Variants in PLD5 observed in about 807,000 individuals in gnomAD.
PLD5 encodes inactive phospholipase D5.
In PLD5, 36 loss-of-function variants were observed where a neutral mutation model predicts 61.1. That is an observed-to-expected ratio of 0.59 (90% CI 0.45 to 0.78). The LOEUF (loss-of-function observed/expected upper bound fraction) is 0.78. Ranked by LOEUF, PLD5 falls within the 30% of genes least tolerant of loss-of-function variation. The pLI is 0.00. For missense variants in PLD5, 515 were observed against 644.4 expected (o/e 0.80, Z 2.17); for synonymous variants, 243 against 242.8 (o/e 1.00, Z -0.01).
intron 3 of PLD5, among the ~76,000 whole-genome samples, chr1:242,271,427 A>T (rs1674076212): frequency 6.6e-6 from 1 of 152,216 alleles, no homozygotes; most frequent in Non-Finnish European, 1.5e-5. Flanking sequence ...GGCAAATTTG[A>T]AAAAAACTTA....
intron 5 of PLD5, among the ~76,000 whole-genome samples, chr1:242,167,075 A>G (rs1397046854): frequency 5.7e-5 from 3 of 52,414 alleles, no homozygotes; most frequent in Non-Finnish European, 1.2e-4. Context: ...GACAATAATA[A>G]TAGTAATAAT....
intron 1 of PLD5, among the ~76,000 whole-genome samples, chr1:242,372,144 C>T (rs1344102079): frequency 6.6e-6 from 1 of 152,174 alleles, no homozygotes; most frequent in South Asian, 2.1e-4. Flanking sequence ...CCTGCAGCTC[C>T]TGTATATTCC....
intron 1 of PLD5, among the ~76,000 whole-genome samples, chr1:242,392,380 A>G (rs1280256033): frequency 6.6e-6 from 1 of 152,174 alleles, no homozygotes; most frequent in Non-Finnish European, 1.5e-5. Flanking sequence ...CTGGTCACCA[A>G]CCTGCACATG....
chr1:242,300,053 C>T (rs976889736), intron 2 of PLD5, among the ~76,000 whole-genome samples: 130 of 152,202 alleles, frequency 8.5e-4, no homozygotes, highest in African/African-American at 3.1e-3. Flanking sequence ...CTTTAGAATG[C>T]CAGCCAGGAA....
chr1:242,250,926 T>C (rs1016851120), intron 4 of PLD5, among the ~76,000 whole-genome samples: 26 of 152,094 alleles, frequency 1.7e-4, no homozygotes, highest in African/African-American at 4.8e-4. Flanking sequence ...ACTGCACATG[T>C]AGAAGTGCAG....
chr1:242,167,109 TAA>T (rs1179732432), intron 5 of PLD5, among the ~76,000 whole-genome samples: 2 of 141,168 alleles, frequency 1.4e-5, no homozygotes, highest in African/African-American at 5.6e-5. Context: ...ATAATAATAA[TAA>T]TAATAAATAG....
At chr1:242,139,825 T>G (rs1664025394) in intron 5 of PLD5, among the ~76,000 whole-genome samples, 1 of 152,158 alleles carries the variant, frequency 6.6e-6, no homozygotes, top group African/African-American at 2.4e-5. Context: ...ATTGGGTGTC[T>G]CAGGTAGTCC....
intron 1 of PLD5, among the ~76,000 whole-genome samples, chr1:242,456,038 T>C (rs1485975574): frequency 6.6e-6 from 1 of 152,240 alleles, no homozygotes; most frequent in Admixed American, 6.5e-5. Context: ...ACTTCACAGG[T>C]AGAAGGATGG....
Position 242,327,838 on chromosome 1 carries a change from TC to T in PLD5, c.326+20267del, listed in dbSNP as rs1274202865. ...CAGGCACAGTGGCTTATGCCTGTAA[TC>T]CCAACCCTTTGGGAGGTTTAAGCAA... On this transcript the variant is annotated intron_variant, in intron 2 of 9. Coordinates refer to ENST00000536534, the MANE Select transcript of PLD5 (RefSeq NM_001372062.1). 1.8e-4 allele frequency among the ~76,000 whole-genome samples: 27 copies of T among 152,264 alleles called. No individual in the cohort carries two copies. The South Asian group carries it at 2.5e-3, about 14-fold the overall frequency.
chr1:242,293,586 G>A (rs1008361134), intron 2 of PLD5, among the ~76,000 whole-genome samples: 12 of 152,096 alleles, frequency 7.9e-5, no homozygotes, highest in Admixed American at 2.6e-4. Flanking sequence ...TGCTTCCCAC[G>A]CCCACTGGGG....
At chr1:242,091,730 T>C (rs528257915) in intron 9 of PLD5, among the ~76,000 whole-genome samples, 156 of 152,270 alleles carry the variant, frequency 1.0e-3, no homozygotes, top group Non-Finnish European at 1.7e-3. Flanking sequence ...ATAAGACTCC[T>C]ATATAAGAAA....
At chr1:242,300,747 CAGCGGGACAA>C (rs1484792404) in intron 2 of PLD5, among the ~76,000 whole-genome samples, 4 of 4,982 alleles carry the variant, frequency 8.0e-4, no homozygotes, top group Non-Finnish European at 1.7e-3. Flanking sequence ...AAATGGGTTG[CAGCGGGACAA>C]GGGTTGCAGC....
chr1:242,313,512 T>C (rs1676828091), intron 2 of PLD5, among the ~76,000 whole-genome samples: 1 of 152,250 alleles, frequency 6.6e-6, no homozygotes, highest in Non-Finnish European at 1.5e-5. Context: ...CACATAAGAC[T>C]TAAGTCTTAC....
intron 2 of PLD5, among the ~76,000 whole-genome samples, chr1:242,299,071 C>A (rs1219135892): frequency 1.3e-5 from 2 of 150,508 alleles, no homozygotes; most frequent in African/African-American, 4.9e-5. Flanking sequence ...TACTACCCTC[C>A]AACAGCTAGC....
At chr1:242,254,606 G>T (rs1481171768) in intron 4 of PLD5, among the ~76,000 whole-genome samples, 1 of 152,092 alleles carries the variant, frequency 6.6e-6, no homozygotes, top group Non-Finnish European at 1.5e-5. Context: ...GGAGGTGGAG[G>T]TTGCAGTGAG....
chr1:242,404,723 A>ACCT (rs10691808), intron 1 of PLD5, among the ~76,000 whole-genome samples: 98,225 of 150,596 alleles, frequency 0.65, 32,787 homozygotes, highest in African/African-American at 0.8. Flanking sequence ...CCTTTTACTC[A>ACCT]CCTGACTCCA....
chr1:242,251,973 T>A (rs1212021481), intron 4 of PLD5, among the ~76,000 whole-genome samples: 8 of 152,062 alleles, frequency 5.3e-5, no homozygotes, highest in Non-Finnish European at 1.2e-4. Flanking sequence ...CTAGTTTTGT[T>A]TGTTTGTTAT....
At chr1:242,425,533 T>C (rs931887883) in intron 1 of PLD5, among the ~76,000 whole-genome samples, 29 of 152,306 alleles carry the variant, frequency 1.9e-4, no homozygotes, top group Admixed American at 1.5e-3. Context: ...AGGATATTAC[T>C]GTATACTACT....
At chr1:242,462,328 C>T (rs559087010) in intron 1 of PLD5, among the ~76,000 whole-genome samples, 8 of 152,110 alleles carry the variant, frequency 5.3e-5, no homozygotes, top group Non-Finnish European at 1.2e-4. Context: ...AAATCATGTC[C>T]TTTGCAGGGA....
Sources: allele counts gnomAD v4.1 joint callset (sites outside exome capture counted in the v4.1 genomes callset), GRCh38; gene constraint gnomAD v4.1.1; transcripts MANE v1.5; gene names NCBI Gene and HGNC (gene_info 2026-07-23, HGNC 2026-07-21).